Variants in LARGE1 observed in about 807,000 individuals in gnomAD.
LARGE1 encodes the protein LARGE xylosyl- and glucuronyltransferase 1, also known as xylosyl- and glucuronyltransferase LARGE1.
Under a neutral mutation model 87.6 loss-of-function variants are expected in LARGE1, and 43 were observed. The observed-to-expected ratio is 0.49, with a 90% CI of 0.38 to 0.63. The LOEUF (loss-of-function observed/expected upper bound fraction) is 0.63, where lower values mean the gene tolerates loss of function less well. Ranked by LOEUF, LARGE1 falls within the 30% of genes least tolerant of loss-of-function variation. LARGE1 has a pLI of 0.00. For missense variants in LARGE1, 802 were observed against 1,000.2 expected (o/e 0.80, Z 2.67); for synonymous variants, 434 against 394.6 (o/e 1.10, Z -1.18).
chr22:33,810,767 A>T (rs2086468516), intron 1 of LARGE1, among the ~76,000 whole-genome samples: 1 of 150,078 alleles, frequency 6.7e-6, no homozygotes, highest in South Asian at 2.1e-4. Context: ...TCTGTTGCCC[A>T]GGCTGGACTG....
In LARGE1 at chr22:33,316,080, C is replaced by T; in HGVS notation, c.1451+5G>A. ...GACTGGGGTGGGTGAGGCCGTCTGC[C>T]ATACCTGTCCATGGACAGCTGAGCG... On this transcript the variant is annotated splice_donor_5th_base_variant and intron_variant, in intron 11 of 14. Coordinates refer to ENST00000397394, the MANE Select transcript of LARGE1 (RefSeq NM_133642.5). The T allele has an allele frequency of 6.2e-7, 1 of 1,613,584 alleles. No homozygotes were observed.
intron 11 of LARGE1, among the ~76,000 whole-genome samples, chr22:33,225,901 T>C (rs1925709687): frequency 6.6e-6 from 1 of 152,256 alleles, no homozygotes; most frequent in South Asian, 2.1e-4. Flanking sequence ...TTATTCTCTT[T>C]AATGGCTGCA....
intron 1 of LARGE1, among the ~76,000 whole-genome samples, chr22:33,907,388 T>C (rs543772153): frequency 6.6e-6 from 1 of 152,278 alleles, no homozygotes; most frequent in East Asian, 1.9e-4. Context: ...TATTCGATCC[T>C]CCCTAGCCAG....
intron 5 of LARGE1, among the ~76,000 whole-genome samples, chr22:33,574,528 T>C (rs1024022486): frequency 1.3e-5 from 2 of 151,876 alleles, no homozygotes; most frequent in Non-Finnish European, 2.9e-5. Flanking sequence ...GAAGGACAAT[T>C]AAAGGGGAGT....
intron 1 of LARGE1, among the ~76,000 whole-genome samples, chr22:33,785,144 T>C (rs1261930120): frequency 7.0e-6 from 1 of 143,724 alleles, no homozygotes; most frequent in East Asian, 2.0e-4. Flanking sequence ...TATACATACA[T>C]ATGTGTATAT....
At chr22:33,742,580 C>T (rs1192205383) in intron 2 of LARGE1, among the ~76,000 whole-genome samples, 1 of 152,202 alleles carries the variant, frequency 6.6e-6, no homozygotes, top group African/African-American at 2.4e-5. Flanking sequence ...GTCGCAGCAT[C>T]AGATTCAGGG....
At chr22:33,460,068 G>A (rs947714414) in intron 6 of LARGE1, among the ~76,000 whole-genome samples, 7 of 152,206 alleles carry the variant, frequency 4.6e-5, no homozygotes, top group African/African-American at 1.2e-4. Context: ...GTCTTCAAAC[G>A]CATGGCATGG....
At chr22:33,517,363 G>A (rs2071359969) in intron 6 of LARGE1, among the ~76,000 whole-genome samples, 1 of 152,122 alleles carries the variant, frequency 6.6e-6, no homozygotes, top group African/African-American at 2.4e-5. Flanking sequence ...GGCTGAACTC[G>A]GTGGAGTAGA....
the LARGE1 span, among the ~76,000 whole-genome samples, chr22:33,114,015 C>T: frequency 1.3e-5 from 2 of 151,284 alleles, no homozygotes; most frequent in African/African-American, 4.9e-5. Context: ...GGATTACAGA[C>T]ACACAGCACC....
At chr22:33,073,950 T>C in the LARGE1 span, among the ~76,000 whole-genome samples, 3 of 152,132 alleles carry the variant, frequency 2.0e-5, no homozygotes, top group Non-Finnish European at 2.9e-5. Context: ...CATCCACATC[T>C]CCTACCTTTC....
chr22:33,242,440 A>G (rs1302187504), intron 11 of LARGE1, among the ~76,000 whole-genome samples: 2 of 152,178 alleles, frequency 1.3e-5, no homozygotes, highest in East Asian at 1.9e-4. Context: ...TGCTAGATAG[A>G]CTGAGAATTG....
intron 9 of LARGE1, among the ~76,000 whole-genome samples, chr22:33,344,093 A>C (rs892278174): frequency 4.6e-5 from 7 of 152,148 alleles, no homozygotes; most frequent in African/African-American, 1.7e-4. Context: ...TGCCCACCAG[A>C]TTAAGGGTGG....
the LARGE1 span, among the ~76,000 whole-genome samples, chr22:33,143,736 T>C: frequency 3.9e-5 from 6 of 152,162 alleles, no homozygotes. Context: ...AAGCCAAATC[T>C]AGCGACCAAG....
chr22:33,554,847 T>G (rs140474622), intron 6 of LARGE1, among the ~76,000 whole-genome samples: 1 of 152,192 alleles, frequency 6.6e-6, no homozygotes, highest in East Asian at 1.9e-4. Context: ...CCAAGAAACA[T>G]CCGCTTTACT....
chr22:33,329,593 A>G (rs1026813751), intron 10 of LARGE1, among the ~76,000 whole-genome samples: 3 of 152,024 alleles, frequency 2.0e-5, no homozygotes, highest in African/African-American at 7.2e-5. Flanking sequence ...TGCCAGGTTA[A>G]ACAGTATCTT....
chr22:33,680,767 C>A (rs1439364147), intron 2 of LARGE1, among the ~76,000 whole-genome samples: 1 of 152,002 alleles, frequency 6.6e-6, no homozygotes, highest in East Asian at 1.9e-4. Context: ...ATTATTTCAA[C>A]TCAGATGTCT....
chr22:33,400,762 C>T (rs2065903438), intron 7 of LARGE1, among the ~76,000 whole-genome samples: 2 of 152,138 alleles, frequency 1.3e-5, no homozygotes, highest in South Asian at 4.1e-4. Context: ...ACTGAGTATG[C>T]CTTCATTATT....
intron 11 of LARGE1, among the ~76,000 whole-genome samples, chr22:33,198,146 G>T (rs960988102): frequency 5.3e-5 from 8 of 152,158 alleles, no homozygotes; most frequent in Admixed American, 2.0e-4. Flanking sequence ...GGTGTGGTGG[G>T]TGGGGGGAAC....
At chr22:33,310,669 C>G (rs771099093) in intron 11 of LARGE1, among the ~76,000 whole-genome samples, 1 of 152,176 alleles carries the variant, frequency 6.6e-6, no homozygotes, top group Non-Finnish European at 1.5e-5. Context: ...CCAACAGGCA[C>G]CAGTCCGCGT....
Sources: allele counts gnomAD v4.1 joint callset (sites outside exome capture counted in the v4.1 genomes callset), GRCh38; gene constraint gnomAD v4.1.1; transcripts MANE v1.5; gene names NCBI Gene and HGNC (gene_info 2026-07-23, HGNC 2026-07-21).